The following RBM47 variants were observed in gnomAD, a reference collection of about 807,000 sequenced individuals.
RBM47 encodes the protein RNA-binding protein 47.
Under a neutral mutation model 47.1 loss-of-function variants are expected in RBM47, and 21 were observed. That is an observed-to-expected ratio of 0.45 (90% CI 0.32 to 0.64). The LOEUF (loss-of-function observed/expected upper bound fraction) is 0.64, where lower values mean the gene tolerates loss of function less well. Ranked by LOEUF, RBM47 falls within the 30% of genes least tolerant of loss-of-function variation. RBM47 has a pLI of 0.05. For missense variants in RBM47, 708 were observed against 870.9 expected (o/e 0.81, Z 2.35); for synonymous variants, 375 against 361.7 (o/e 1.04, Z -0.42).
At chr4:40,550,273 G>T (rs896602374) in intron 1 of RBM47, among the ~76,000 whole-genome samples, 1 of 152,192 alleles carries the variant, frequency 6.6e-6, no homozygotes, top group Non-Finnish European at 1.5e-5. Flanking sequence ...GATTAAAGGG[G>T]ATGTGGGGCC....
At chr4:40,485,127 G>T (rs1162556750) in intron 2 of RBM47, among the ~76,000 whole-genome samples, 1 of 152,018 alleles carries the variant, frequency 6.6e-6, no homozygotes, top group South Asian at 2.1e-4. Context: ...CAAGGTATTT[G>T]CTCTCAACCT....
At chr4:40,503,779 A>G (rs1478768621) in intron 2 of RBM47, among the ~76,000 whole-genome samples, 1 of 152,184 alleles carries the variant, frequency 6.6e-6, no homozygotes, top group Non-Finnish European at 1.5e-5. Context: ...ACACACACAG[A>G]TACATATATA....
At chr4:40,429,295 T>C (rs1437730825) in intron 6 of RBM47, among the ~76,000 whole-genome samples, 1 of 152,094 alleles carries the variant, frequency 6.6e-6, no homozygotes, top group Non-Finnish European at 1.5e-5. Context: ...GAAAGTTCTC[T>C]ACTTAATAAG....
intron 1 of RBM47, among the ~76,000 whole-genome samples, chr4:40,578,188 C>A (rs1317462393): frequency 6.6e-6 from 1 of 152,134 alleles, no homozygotes; most frequent in Non-Finnish European, 1.5e-5. Flanking sequence ...AGTTTCAAAT[C>A]TTTAATTGGC....
intron 2 of RBM47, among the ~76,000 whole-genome samples, chr4:40,500,703 G>C (rs1480578671): frequency 6.6e-6 from 1 of 152,104 alleles, no homozygotes; most frequent in Admixed American, 6.6e-5. Context: ...GCCTTGCAGG[G>C]ATAACAACAT....
chr4:40,600,230 C>G (rs1406557830), intron 1 of RBM47, among the ~76,000 whole-genome samples: 2 of 149,902 alleles, frequency 1.3e-5, no homozygotes, highest in African/African-American at 4.9e-5. Context: ...CCAGGCTGGT[C>G]TGGAATGTGT....
chr4:40,622,461 G>T (rs1737352150), intron 1 of RBM47, among the ~76,000 whole-genome samples: 1 of 152,228 alleles, frequency 6.6e-6, no homozygotes, highest in African/African-American at 2.4e-5. Flanking sequence ...AAGGATGTGT[G>T]TGGTAGCAGG....
At chr4:40,484,962 T>C (rs1720879302) in intron 2 of RBM47, among the ~76,000 whole-genome samples, 1 of 152,228 alleles carries the variant, frequency 6.6e-6, no homozygotes, top group Non-Finnish European at 1.5e-5. Context: ...ATTTGAAAAT[T>C]AAAGCTTATA....
chr4:40,557,648 C>A (rs1056392163), intron 1 of RBM47, among the ~76,000 whole-genome samples: 1 of 152,102 alleles, frequency 6.6e-6, no homozygotes, highest in African/African-American at 2.4e-5. Flanking sequence ...ACTTGGGATG[C>A]TGAAGCAGGA....
intron 1 of RBM47, among the ~76,000 whole-genome samples, chr4:40,588,730 A>G (rs1354162712): frequency 1.3e-5 from 2 of 152,144 alleles, no homozygotes; most frequent in African/African-American, 4.8e-5. Context: ...TTACTTTCTT[A>G]GAATGAAGAC....
At chr4:40,596,558 A>G (rs902825430) in intron 1 of RBM47, among the ~76,000 whole-genome samples, 10 of 152,150 alleles carry the variant, frequency 6.6e-5, no homozygotes, top group Non-Finnish European at 1.2e-4. Context: ...CGCCATGTTG[A>G]GCAAAACAGT....
In RBM47 at chr4:40,588,143, G is replaced by A. The variant is rs16852376; in HGVS notation, c.-240+41253C>T. Among the ~76,000 whole-genome samples the A allele has an allele frequency of 3.0e-3, 457 of 152,284 alleles. 1 individual carries two copies. Among genetic ancestry groups the A allele is most frequent in the African/African-American group, 0.011 (439 of 41,564 alleles). ...AGTTGCCACATAAAATAAAGGATACGCAGTAAATCTGAATATCAGATAAGC... is the reference window on the plus strand; with the variant it reads ...AGTTGCCACATAAAATAAAGGATACACAGTAAATCTGAATATCAGATAAGC... On this transcript the variant is annotated intron_variant, in intron 1 of 6. Coordinates refer to ENST00000295971, the MANE Select transcript of RBM47 (RefSeq NM_001098634.2).
chr4:40,619,086 A>C (rs187575561), intron 1 of RBM47, among the ~76,000 whole-genome samples: 95 of 152,196 alleles, frequency 6.2e-4, no homozygotes, highest in African/African-American at 2.3e-3. Flanking sequence ...TACACAGAAG[A>C]CATCCCATGC....
intron 2 of RBM47, among the ~76,000 whole-genome samples, chr4:40,474,208 C>T (rs1011147566): frequency 1.9e-4 from 29 of 152,166 alleles, no homozygotes; most frequent in African/African-American, 6.3e-4. Context: ...TGCAGCAATT[C>T]GTACCTGACC....
intron 2 of RBM47, among the ~76,000 whole-genome samples, chr4:40,540,507 C>T (rs1728406187): frequency 6.6e-6 from 1 of 151,638 alleles, no homozygotes; most frequent in Admixed American, 6.6e-5. Context: ...GGCATGGTGG[C>T]GCATGCCTGT....
chr4:40,586,333 T>C (rs888097725), intron 1 of RBM47, among the ~76,000 whole-genome samples: 6 of 151,892 alleles, frequency 4.0e-5, no homozygotes, highest in Non-Finnish European at 8.8e-5. Flanking sequence ...AAAGAAGAGG[T>C]TCCTCAAACC....
intron 1 of RBM47, among the ~76,000 whole-genome samples, chr4:40,606,542 CGGCCCGCCT>C (rs1414150703): frequency 6.6e-6 from 1 of 152,154 alleles, no homozygotes; most frequent in African/African-American, 2.4e-5. Flanking sequence ...GTTTCACCGA[CGGCCCGCCT>C]GGCCCCAAGC....
intron 2 of RBM47, among the ~76,000 whole-genome samples, chr4:40,493,949 G>T (rs1487463563): frequency 6.6e-6 from 1 of 151,896 alleles, no homozygotes; most frequent in Non-Finnish European, 1.5e-5. Context: ...AAAAATAAAG[G>T]ATATTAATTA....
chr4:40,564,554 T>C (rs1429103447), intron 1 of RBM47, among the ~76,000 whole-genome samples: 1 of 152,154 alleles, frequency 6.6e-6, no homozygotes. Flanking sequence ...TTAGGAGAAG[T>C]ATGGCTTTAA....
Sources: gnomAD v4.1 joint callset for allele counts (sites outside exome capture counted in the v4.1 genomes callset) on GRCh38, gnomAD v4.1.1 for gene constraint, MANE v1.5 for transcripts, NCBI Gene and HGNC (gene_info 2026-07-23, HGNC 2026-07-21) for gene names.